The following TBL1Y variants were observed in gnomAD, a reference collection of about 807,000 sequenced individuals.
TBL1Y encodes F-box-like/WD repeat-containing protein TBL1Y.
A neutral mutation model predicts 12.0 loss-of-function variants in TBL1Y; 15 were observed. The observed-to-expected ratio is 1.25, with a 90% CI of 0.83 to 1.92. TBL1Y has a LOEUF of 1.92. TBL1Y is among the 40% of genes most tolerant of loss of function. The pLI, the probability that TBL1Y is intolerant of heterozygous loss-of-function variation, is 0.00. For synonymous variants in TBL1Y, 53 were observed against 42.6 expected (o/e 1.24, Z -0.95); for missense variants, 148 against 116.7 (o/e 1.27, Z -1.24).
rs753486547 is a variant in TBL1Y at position 7,054,314 on chromosome Y, C to T, written c.205-9583C>T. On this transcript the variant is annotated intron_variant, in intron 7 of 18. Transcript: ENST00000383032. ...AGCGGCTTGCAACTTAGATCATACCCGACCAGTCAGATAGTAAAGAGTGCT... is the reference window on the plus strand; with the variant it reads ...AGCGGCTTGCAACTTAGATCATACCTGACCAGTCAGATAGTAAAGAGTGCT... Among the ~76,000 whole-genome samples, 6 of 33,554 alleles carry T rather than the reference C, an allele frequency of 1.8e-4. No homozygotes were observed. The East Asian group carries it at 4.0e-3, about 22-fold the overall frequency. 90.0% of individuals were successfully genotyped at this position (33,554 alleles called of 37,273 possible).
At chrY:7,008,705 G>A (rs2012501573) in intron 4 of TBL1Y, among the ~76,000 whole-genome samples, 3 of 33,090 alleles carry the variant, frequency 9.1e-5, no homozygotes, top group African/African-American at 3.6e-4. Context: ...AAGTCTGTTT[G>A]ACAGAGTTAA....
Position 7,063,948 on chromosome Y carries a change from G to A in TBL1Y, c.256G>A (p.Ala86Thr). 2 of 398,271 alleles carry A rather than the reference G, an allele frequency of 5.0e-6. No individual in the cohort carries two copies. Among genetic ancestry groups the A allele is most frequent in the Non-Finnish European group, 7.1e-6 (2 of 283,356 alleles). Residue 86 changes from alanine to threonine, a missense_variant, in exon 8 of 19, where the codon GCT becomes ACT. By Grantham distance (58) the Ala-to-Thr change is moderately conservative. Coordinates refer to ENST00000383032, the MANE Select transcript of TBL1Y (RefSeq NM_033284.2). ...RPIESLSLIV[A>T]VIPDVVQMRQ... ...TATAGAGTCCCTGTCCCTGATAGTT[G>A]CTGTGATTCCTGATGTGGTGCAGAT... is the stretch of plus-strand genomic sequence containing the variant.
chrY:6,914,221 T>G (rs1603024277), intron 2 of TBL1Y, among the ~76,000 whole-genome samples: 1 of 32,122 alleles, frequency 3.1e-5, no homozygotes, highest in East Asian at 8.3e-4. Context: ...CTAAAAACAT[T>G]TAAAAAATTA....
At chrY:6,954,711 C>T (rs2012059191) in intron 2 of TBL1Y, among the ~76,000 whole-genome samples, 1 of 33,691 alleles carries the variant, frequency 3.0e-5, no homozygotes, top group African/African-American at 1.2e-4. Context: ...AACCCGGTAC[C>T]TCAGTTGGAA....
In TBL1Y at chrY:7,086,374, G is replaced by A; in HGVS notation, c.1237G>A (p.Gly413Arg). 1 of 386,442 alleles carries A rather than the reference G, an allele frequency of 2.6e-6. No individual in the cohort carries two copies. The highest frequency in any genetic ancestry group is 3.6e-6 in the Non-Finnish European group (1 of 275,596). ...CTACACCATCAAGTGGAGCCCCACC[G>A]GGCCTGCCACCAGCAACCCAAACTC... ...EIYTIKWSPT[G>R]PATSNPNSSI... The change falls in exon 16 of 19, where the codon GGG becomes AGG. Residue 413 changes from glycine (G) to arginine (R), a missense_variant. Coordinates refer to ENST00000383032, the MANE Select transcript of TBL1Y (RefSeq NM_033284.2).
chrY:6,921,122 A>G lies in TBL1Y; in HGVS notation c.-266+8950A>G. ...AAGGGGTCAGGGGCTCCTTGCTTCT[A>G]CTGAACTTCCTAGAGCCCTTCATAT... On this transcript the variant is annotated intron_variant, in intron 2 of 18. Coordinates refer to ENST00000383032, the MANE Select transcript of TBL1Y (RefSeq NM_033284.2). Among the ~76,000 whole-genome samples, 8 of 33,150 alleles carry G rather than the reference A, an allele frequency of 2.4e-4. No homozygotes were observed. In the East Asian group the frequency reaches 5.6e-3, roughly 23 times the overall value. The allele number at this position is 33,150 out of a possible 37,273, so 88.9% of individuals were successfully genotyped here.
At chrY:6,914,161 G>A in intron 2 of TBL1Y, among the ~76,000 whole-genome samples, 1 of 32,742 alleles carries the variant, frequency 3.1e-5, no homozygotes, top group Non-Finnish European at 7.4e-5. Context: ...ACTTTGGGAC[G>A]CCAAGCGGGG....
intron 2 of TBL1Y, among the ~76,000 whole-genome samples, chrY:6,931,534 C>T (rs2011865745): frequency 2.9e-5 from 1 of 34,144 alleles, no homozygotes; most frequent in Non-Finnish European, 7.3e-5. Flanking sequence ...CATCTTTATA[C>T]GGAAATCAAT....
At chrY:7,090,899 T>C (rs2013171701) in intron 18 of TBL1Y, among the ~76,000 whole-genome samples, 4 of 33,856 alleles carry the variant, frequency 1.2e-4, no homozygotes, top group Non-Finnish European at 2.2e-4. Context: ...AGCTCAGTGA[T>C]GCTACTAAAA....
At chrY:7,025,792 A>G (rs749492747) in intron 6 of TBL1Y, among the ~76,000 whole-genome samples, 6 of 33,355 alleles carry the variant, frequency 1.8e-4, no homozygotes, top group African/African-American at 7.0e-4. Flanking sequence ...GAGCACTTTA[A>G]CCTGTGAATT....
At chrY:6,990,848 C>T (rs2124133874) in intron 3 of TBL1Y, among the ~76,000 whole-genome samples, 3 of 32,805 alleles carry the variant, frequency 9.1e-5, no homozygotes, top group Admixed American at 2.8e-4. Context: ...TGAGACACCG[C>T]GCCCGGCCTG....
chrY:6,929,734 A>G, intron 2 of TBL1Y, among the ~76,000 whole-genome samples: 1 of 33,723 alleles, frequency 3.0e-5, no homozygotes, highest in Non-Finnish European at 7.4e-5. Flanking sequence ...CACCAACAGG[A>G]TAACGCATAG....
intron 2 of TBL1Y, among the ~76,000 whole-genome samples, chrY:6,930,837 T>C: frequency 3.0e-5 from 1 of 33,127 alleles, no homozygotes; most frequent in Non-Finnish European, 7.4e-5. Context: ...CAGGTCCCCT[T>C]CCATGCTGTG....
intron 2 of TBL1Y, among the ~76,000 whole-genome samples, chrY:6,947,977 T>C (rs2011995164): frequency 3.0e-5 from 1 of 33,889 alleles, no homozygotes; most frequent in African/African-American, 1.2e-4. Flanking sequence ...GACATTTATT[T>C]TATAGAATTC....
rs958562686 is a variant in TBL1Y at position 6,922,465 on chromosome Y, A to G, written c.-266+10293A>G. On this transcript the variant is annotated intron_variant, in intron 2 of 18. Transcript: ENST00000383032. ...TCCCCACTAGATTAGTCAGACCCAG[A>G]GTGCTGATTGATGCATTTATTTACA... Among the ~76,000 whole-genome samples the G allele has an allele frequency of 1.2e-4, 4 of 33,502 alleles. No homozygotes were observed. The South Asian group carries it at 2.0e-3, about 17-fold the overall frequency. The allele number at this position is 33,502 out of a possible 37,273, so 89.9% of individuals were successfully genotyped here.
intron 2 of TBL1Y, among the ~76,000 whole-genome samples, chrY:6,932,767 C>A (rs747404525): frequency 3.0e-5 from 1 of 33,292 alleles, no homozygotes; most frequent in Non-Finnish European, 7.4e-5. Flanking sequence ...GCCACCATGC[C>A]AGGCCAGTTT....
At chrY:6,966,356 G>A in intron 2 of TBL1Y, among the ~76,000 whole-genome samples, 1 of 33,189 alleles carries the variant, frequency 3.0e-5, no homozygotes, top group Non-Finnish European at 7.4e-5. Flanking sequence ...TGCCTCGCCT[G>A]CATATTTTTC....
chrY:7,085,923 A>G lies in TBL1Y; in HGVS notation c.1103A>G (p.Asp368Gly), dbSNP rs867429087. ...HTNEVNAIKW[D>G]PSGMLLASCS... ...AACGAGGTCAATGCCATCAAATGGGATCCTTCTGGAATGTTGCTGGCGTCC... is the reference window on the plus strand; with the variant it reads ...AACGAGGTCAATGCCATCAAATGGGGTCCTTCTGGAATGTTGCTGGCGTCC... The change falls in exon 15 of 19, where the codon GAT becomes GGT. Residue 368 changes from aspartate to glycine, a missense_variant. Physicochemically the swap from Asp to Gly is moderately conservative, Grantham distance 94. Transcript: ENST00000383032. 2.5e-6 allele frequency: 1 copy of G among 397,900 alleles called. No homozygotes were observed. Among genetic ancestry groups the G allele is most frequent in the African/African-American group, 6.2e-5 (1 of 16,177 alleles).
At chrY:6,918,530 G>A (rs2011752933) in intron 2 of TBL1Y, among the ~76,000 whole-genome samples, 1 of 32,579 alleles carries the variant, frequency 3.1e-5, no homozygotes, top group Non-Finnish European at 7.5e-5. Context: ...TCAGCCTCCC[G>A]AGTAGCTGGC....
Sources: allele counts gnomAD v4.1 joint callset (sites outside exome capture counted in the v4.1 genomes callset), GRCh38; gene constraint gnomAD v4.1.1; transcripts MANE v1.5; gene names NCBI Gene and HGNC (gene_info 2026-07-23, HGNC 2026-07-21).